Variants in MACO1 observed in about 807,000 individuals in gnomAD.
MACO1 encodes the protein macoilin.
MACO1 carries 14 observed loss-of-function variants against 78.7 expected under a neutral mutation model. That is an observed-to-expected ratio of 0.18 (90% CI 0.12 to 0.28). MACO1 has a LOEUF of 0.28. Among genes scored for constraint, MACO1 ranks in the 10% least tolerant of loss-of-function variants. The pLI, the probability that MACO1 is intolerant of heterozygous loss-of-function variation, is 1.00. For missense variants in MACO1, 501 were observed against 799.0 expected, an observed-to-expected ratio of 0.63 and a Z score of 4.50; for synonymous variants, 288 against 291.6, an observed-to-expected ratio of 0.99 and a Z score of 0.12.
intron 10 of MACO1, 108 bp downstream of exon 10, chr1:25,491,692 C>T (rs1190619091): frequency 8.3e-6 from 7 of 845,870 alleles, no homozygotes; most frequent in African/African-American, 3.4e-5. Context: ...TCAGTTTTCT[C>T]TTCAAGAGTC....
chr1:25,435,370 A>G (rs989641029), intron 1 of MACO1, among the ~76,000 whole-genome samples: 1 of 152,148 alleles, frequency 6.6e-6, no homozygotes, highest in African/African-American at 2.4e-5. Flanking sequence ...ATTATTTCCC[A>G]TTTTTATTTC....
At chr1:25,464,320 A>G (rs2043196816) in intron 6 of MACO1, among the ~76,000 whole-genome samples, 2 of 145,138 alleles carry the variant, frequency 1.4e-5, no homozygotes, top group African/African-American at 5.1e-5. Flanking sequence ...CATGTCTTCT[A>G]TAATTTCTTT....
intron 1 of MACO1, among the ~76,000 whole-genome samples, chr1:25,436,367 C>T (rs1299340254): frequency 6.6e-6 from 1 of 152,114 alleles, no homozygotes; most frequent in African/African-American, 2.4e-5. Flanking sequence ...GTTTGGAGGG[C>T]AAGTAGAAAT....
Position 25,454,466 on chromosome 1 carries a change from G to GTATA in MACO1, c.473+85_473+86insATAT, listed in dbSNP as rs1182318467. ...TGTGTGTGTGTGTGTGTGTGTGTGT[G>GTATA]TGTGTATATATATATATATATATTT... On this transcript the variant is annotated intron_variant, in intron 4 of 10. Transcript: ENST00000374343. The GTATA allele has an allele frequency of 9.2e-5, 16 of 174,590 alleles. No individual in the cohort carries two copies. The South Asian group carries it at 1.3e-3, about 14-fold the overall frequency. 10.8% of individuals were successfully genotyped at this position (174,590 alleles called of 1,614,324 possible). A position where few individuals can be genotyped will look rare whatever the true frequency, so the allele number is the denominator to read the frequency against.
intron 6 of MACO1, among the ~76,000 whole-genome samples, chr1:25,477,181 AAGG>A (rs1195976861): frequency 2.0e-5 from 3 of 152,218 alleles, no homozygotes; most frequent in African/African-American, 4.8e-5. Flanking sequence ...AGGGTTTTAG[AAGG>A]AGAAGAGATA....
chr1:25,434,439 A>G (rs1024664501), intron 1 of MACO1, among the ~76,000 whole-genome samples: 1 of 152,244 alleles, frequency 6.6e-6, no homozygotes, highest in African/African-American at 2.4e-5. Context: ...CGGAGGATAC[A>G]GGATAACACA....
intron 10 of MACO1, among the ~76,000 whole-genome samples, chr1:25,496,847 A>G (rs574815068): frequency 6.6e-6 from 1 of 152,336 alleles, no homozygotes; most frequent in East Asian, 1.9e-4. Flanking sequence ...AACAGACTGC[A>G]GGGAATTGAA....
intron 1 of MACO1, among the ~76,000 whole-genome samples, chr1:25,435,212 T>A (rs187853665): frequency 2.8e-4 from 43 of 152,302 alleles, no homozygotes; most frequent in African/African-American, 1.0e-3. Context: ...TCACTGTGTA[T>A]TTAAGACTGC....
At chr1:25,498,091 C>T (rs1037895554) in intron 10 of MACO1, among the ~76,000 whole-genome samples, 173 bp from the exon 11 acceptor site, 1 of 152,174 alleles carries the variant, frequency 6.6e-6, no homozygotes, top group Non-Finnish European at 1.5e-5. Flanking sequence ...ATATGGCCCA[C>T]GACACCTAAA....
chr1:25,493,748 T>TC (rs2043509605), intron 10 of MACO1, among the ~76,000 whole-genome samples: 1 of 147,244 alleles, frequency 6.8e-6, no homozygotes, highest in Admixed American at 6.7e-5. Context: ...TTTTTTTTTT[T>TC]TTGAGATGGA....
At chr1:25,451,928 T>A (rs2043070007) in intron 3 of MACO1, among the ~76,000 whole-genome samples, 1 of 142,960 alleles carries the variant, frequency 7.0e-6, no homozygotes, top group Non-Finnish European at 1.5e-5. Flanking sequence ...CGAGACTCTG[T>A]CTCCAAAAAA....
chr1:25,480,219 G>A (rs1412679865), intron 6 of MACO1, among the ~76,000 whole-genome samples: 1 of 152,164 alleles, frequency 6.6e-6, no homozygotes, highest in Non-Finnish European at 1.5e-5. Flanking sequence ...TAAAATTGCT[G>A]AGAATTTTGC....
At position 25,446,907 on chromosome 1, in the gene MACO1, T is replaced by G. The variant is rs764683797; in HGVS notation, c.222+4T>G. 1 of 1,610,678 alleles carries G rather than the reference T, an allele frequency of 6.2e-7. No homozygotes were observed. Among genetic ancestry groups the G allele is most frequent in the South Asian group, 1.1e-5 (1 of 90,372 alleles). On this transcript the variant is annotated splice_donor_region_variant and intron_variant, in intron 2 of 10. Coordinates refer to ENST00000374343, the MANE Select transcript of MACO1 (RefSeq NM_018202.6). ...TTCCTTCAGATACCAGGGACTGGTA[T>G]GTCTGGTAATACATGTTTTCCATGT...
rs375407828 is a variant in MACO1 at position 25,454,402 on chromosome 1, ATG to A, written c.473+34_473+35del. ...TCACTGGTAAGTATTACATAAATGT[ATG>A]TGTGTGTGTGTGTATATGTGTGTAT... On this transcript the variant is annotated intron_variant, in intron 4 of 10. Coordinates refer to ENST00000374343, the MANE Select transcript of MACO1 (RefSeq NM_018202.6). 1,622 of 1,527,886 alleles carry A rather than the reference ATG, an allele frequency of 1.1e-3. 1 individual carries two copies. The highest frequency in any genetic ancestry group is 1.2e-3 in the African/African-American group (82 of 69,730). The allele number at this position is 1,527,886 out of a possible 1,614,324, so 94.6% of individuals were successfully genotyped here.
At chr1:25,460,878 A>G (rs971084671) in intron 6 of MACO1, among the ~76,000 whole-genome samples, 1 of 152,136 alleles carries the variant, frequency 6.6e-6, no homozygotes, top group African/African-American at 2.4e-5. Context: ...AGAACTACTT[A>G]CTATCAAATG....
intron 1 of MACO1, among the ~76,000 whole-genome samples, chr1:25,433,444 A>G (rs1212191608): frequency 2.0e-5 from 3 of 152,164 alleles, no homozygotes; most frequent in East Asian, 3.8e-4. Flanking sequence ...CACACCATCT[A>G]TTGCCCATTT....
intron 6 of MACO1, among the ~76,000 whole-genome samples, chr1:25,480,928 AAATATATAT>A (rs1292347263): frequency 1.5e-4 from 4 of 26,896 alleles, no homozygotes; most frequent in African/African-American, 4.8e-4. Context: ...AAAAAAAAAA[AAATATATAT>A]ATATATATAT....
At chr1:25,454,909 C>T (rs1228633163) in intron 4 of MACO1, among the ~76,000 whole-genome samples, 2 of 151,994 alleles carry the variant, frequency 1.3e-5, no homozygotes, top group Non-Finnish European at 2.9e-5. Context: ...GACCATGAGC[C>T]CCCCCTTTTC....
intron 6 of MACO1, among the ~76,000 whole-genome samples, chr1:25,468,168 T>C (rs969822234): frequency 6.6e-6 from 1 of 152,024 alleles, no homozygotes; most frequent in African/African-American, 2.4e-5. Context: ...CAAAGACACA[T>C]GAGTGTACTT....
Sources: allele counts gnomAD v4.1 joint callset (sites outside exome capture counted in the v4.1 genomes callset), GRCh38; gene constraint gnomAD v4.1.1; transcripts MANE v1.5; gene names NCBI Gene and HGNC (gene_info 2026-07-23, HGNC 2026-07-21).